SLC9A9: variants seen among roughly 807,000 people sequenced by gnomAD.
SLC9A9 encodes the protein sodium/hydrogen exchanger 9.
Under a neutral mutation model 77.8 loss-of-function variants are expected in SLC9A9, and 62 were observed. The observed-to-expected ratio is 0.80, with a 90% confidence interval of 0.65 to 0.98. SLC9A9 has a LOEUF of 0.98. SLC9A9 is among the 50% of genes least tolerant of loss of function. The pLI, the probability that SLC9A9 is intolerant of heterozygous loss-of-function variation, is 0.00. For synonymous variants in SLC9A9, 320 were observed against 283.5 expected (o/e 1.13, Z -1.29); for missense variants, 775 against 774.9 (o/e 1.00, Z 0.00).
intron 4 of SLC9A9, among the ~76,000 whole-genome samples, chr3:143,709,500 C>T (rs192890069): frequency 7.2e-5 from 11 of 152,162 alleles, no homozygotes; most frequent in Admixed American, 3.3e-4. Context: ...GTATGAAACT[C>T]GAAATGAGGG....
intron 12 of SLC9A9, among the ~76,000 whole-genome samples, chr3:143,430,798 A>G (rs1425727780): frequency 6.6e-6 from 1 of 152,196 alleles, no homozygotes; most frequent in Non-Finnish European, 1.5e-5. Context: ...CAGTTGGGCT[A>G]GGCAGACTCA....
intron 6 of SLC9A9, among the ~76,000 whole-genome samples, chr3:143,594,649 G>A (rs190332706): frequency 1.3e-5 from 2 of 152,188 alleles, no homozygotes; most frequent in East Asian, 1.9e-4. Flanking sequence ...GGTCCCAAAC[G>A]GTAAGTTCCT....
At chr3:143,437,336 C>A (rs911435249) in intron 12 of SLC9A9, among the ~76,000 whole-genome samples, 1 of 152,236 alleles carries the variant, frequency 6.6e-6, no homozygotes, top group Admixed American at 6.5e-5. Flanking sequence ...AGCCCTCTCC[C>A]CTCAGAATGA....
chr3:143,406,978 G>GAAAA (rs57344964), intron 12 of SLC9A9, among the ~76,000 whole-genome samples: 7 of 69,378 alleles, frequency 1.0e-4, no homozygotes, highest in South Asian at 4.8e-4. Context: ...TCCATCTCGA[G>GAAAA]AAAAAAAAAA....
At chr3:143,634,153 G>T (rs9842319) in intron 6 of SLC9A9, among the ~76,000 whole-genome samples, 1,672 of 147,478 alleles carry the variant, frequency 0.011, 12 homozygotes, top group Non-Finnish European at 0.017. Context: ...CTTTCTTTAA[G>T]CTTGAAATTC....
At chr3:143,477,732 T>C (rs750843888) in intron 11 of SLC9A9, among the ~76,000 whole-genome samples, 2 of 152,194 alleles carry the variant, frequency 1.3e-5, no homozygotes, top group Non-Finnish European at 2.9e-5. Context: ...CGTCAACCTA[T>C]GCAATGTGTC....
intron 4 of SLC9A9, among the ~76,000 whole-genome samples, chr3:143,778,027 T>C (rs2007751543): frequency 1.3e-4 from 1 of 7,818 alleles, no homozygotes; most frequent in African/African-American, 3.6e-4. Context: ...ACTGATACTT[T>C]TATAAAATGC....
chr3:143,523,986 A>G (rs1373838455), intron 9 of SLC9A9, among the ~76,000 whole-genome samples: 2 of 152,222 alleles, frequency 1.3e-5, no homozygotes, highest in Non-Finnish European at 2.9e-5. Context: ...ACATGCTGAA[A>G]GAACAGGATT....
intron 6 of SLC9A9, among the ~76,000 whole-genome samples, chr3:143,581,484 T>C (rs2037451449): frequency 6.6e-6 from 1 of 152,120 alleles, no homozygotes; most frequent in Non-Finnish European, 1.5e-5. Flanking sequence ...CCTTCCTTCC[T>C]TCCTTCTTTC....
intron 4 of SLC9A9, among the ~76,000 whole-genome samples, chr3:143,697,531 AG>A (rs113743652): frequency 0.43 from 64,887 of 151,910 alleles, 14,042 homozygotes; most frequent in South Asian, 0.6. Context: ...AAATGAGAAA[AG>A]TAAGACTCAG....
At chr3:143,284,773 G>A (rs1938331354) in intron 14 of SLC9A9, among the ~76,000 whole-genome samples, 1 of 152,066 alleles carries the variant, frequency 6.6e-6, no homozygotes, top group Non-Finnish European at 1.5e-5. Flanking sequence ...GAAGTCTTAT[G>A]GGAACCAGCC....
At position 143,579,699 on chromosome 3, in the gene SLC9A9, A is replaced by C. The variant is rs184010202; in HGVS notation, c.756-976T>G. 1.3e-4 allele frequency among the ~76,000 whole-genome samples: 20 copies of C among 152,314 alleles called. 1 individual carries two copies. In the East Asian group the frequency reaches 3.7e-3, roughly 28 times the overall value. ...AGCAGTGGGTTTTGGAAGAAACTCC[A>C]AAAGTAGCAGTGTGGAGAGCAAAAG... On this transcript the variant is annotated intron_variant, in intron 6 of 15. Coordinates refer to ENST00000316549, the MANE Select transcript of SLC9A9 (RefSeq NM_173653.4).
chr3:143,822,980 A>G (rs554793222), intron 2 of SLC9A9, among the ~76,000 whole-genome samples: 11 of 130,804 alleles, frequency 8.4e-5, no homozygotes, highest in African/African-American at 2.8e-4. Context: ...CAGAGCACAC[A>G]TAATTCACCC....
chr3:143,468,646 A>G (rs2035324566), intron 11 of SLC9A9, among the ~76,000 whole-genome samples: 1 of 152,236 alleles, frequency 6.6e-6, no homozygotes, highest in Non-Finnish European at 1.5e-5. Context: ...CTTTTTAAAA[A>G]TCAAATGTGT....
At chr3:143,642,696 T>C (rs2038642655) in intron 6 of SLC9A9, among the ~76,000 whole-genome samples, 1 of 152,216 alleles carries the variant, frequency 6.6e-6, no homozygotes, top group African/African-American at 2.4e-5. Flanking sequence ...AATTCTGGAT[T>C]TTTAAAAAGT....
intron 4 of SLC9A9, among the ~76,000 whole-genome samples, chr3:143,742,396 A>G (rs776262151): frequency 6.6e-6 from 1 of 152,148 alleles, no homozygotes; most frequent in Non-Finnish European, 1.5e-5. Flanking sequence ...CTCTACTGCA[A>G]TTCCCCTGTC....
chr3:143,610,954 G>A (rs2038013518), intron 6 of SLC9A9, among the ~76,000 whole-genome samples: 1 of 151,928 alleles, frequency 6.6e-6, no homozygotes, highest in Non-Finnish European at 1.5e-5. Context: ...TTCTACAGAA[G>A]TGAGGAAAAA....
chr3:143,471,034 C>T (rs374110515), intron 11 of SLC9A9, among the ~76,000 whole-genome samples: 49 of 152,106 alleles, frequency 3.2e-4, no homozygotes, highest in Middle Eastern at 3.2e-3. Context: ...CATTGTTAAT[C>T]GGGGCCAAAC....
chr3:143,652,271 C>T lies in SLC9A9; in HGVS notation c.739G>A (p.Ala247Thr). ...GGTACTTACTATGTAAGGACTATGG[C>T]CACTGCATCATTCAACACACTCTCT... is the stretch of plus-strand genomic sequence containing the variant. ...FGESVLNDAV[A>T]IVLTYSISIY... The change falls in exon 6 of 16, where the codon GCC (alanine) becomes ACC (threonine). Residue 247 changes from alanine to threonine, a missense_variant. By Grantham distance (58) the Ala-to-Thr change is moderately conservative. Transcript: ENST00000316549. The T allele has an allele frequency of 6.2e-7, 1 of 1,612,636 alleles. No individual in the cohort carries two copies.
Sources: allele counts gnomAD v4.1 joint callset (sites outside exome capture counted in the v4.1 genomes callset), GRCh38; gene constraint gnomAD v4.1.1; transcripts MANE v1.5; gene names NCBI Gene and HGNC (gene_info 2026-07-23, HGNC 2026-07-21).